USH2A: variants seen among roughly 807,000 people sequenced by gnomAD.
The protein encoded by USH2A is Usher syndrome 2A (autosomal recessive, mild).
A neutral mutation model predicts 538.9 loss-of-function variants in USH2A; 443 were observed. That is an observed-to-expected ratio of 0.82 (90% CI 0.76 to 0.89). USH2A has a LOEUF of 0.89. Among genes scored for constraint, USH2A ranks in the 40% least tolerant of loss-of-function variants. USH2A has a pLI of 0.00. For synonymous variants in USH2A, 2,413 were observed against 2,273.5 expected (o/e 1.06, Z -1.75); for missense variants, 6,633 against 6,324.8 (o/e 1.05, Z -1.65).
At chr1:216,060,844 T>A (rs2031153472) in intron 30 of USH2A, among the ~76,000 whole-genome samples, 1 of 152,214 alleles carries the variant, frequency 6.6e-6, no homozygotes. Context: ...ATGAAGTCAG[T>A]TTCTGAGCAG....
Position 216,078,253 on chromosome 1 carries a change from A to T in USH2A, c.5408T>A (p.Val1803Asp). The change falls in exon 27 of 72, where the codon GTC (valine) becomes GAC (aspartate). Residue 1803 changes from valine (V) to aspartate (D), a missense_variant. Physicochemically the swap from Val to Asp is radical, Grantham distance 152. Coordinates refer to ENST00000307340, the MANE Select transcript of USH2A (RefSeq NM_206933.4). Reference sequence around the variant, plus strand: ...GAAAGAGCCTTCCTTTTTAATAATGACTTTATTCCACTTTCCATTACAATA... The same window carrying T: ...GAAAGAGCCTTCCTTTTTAATAATGTCTTTATTCCACTTTCCATTACAATA... Reference protein sequence around the residue: ...LSYCNGKWNKVIIKKEGSFIS... With the variant: ...LSYCNGKWNKDIIKKEGSFIS... 6.2e-7 allele frequency: 1 copy of T among 1,613,810 alleles called. No homozygotes were observed. The highest frequency in any genetic ancestry group is 2.2e-5 in the East Asian group (1 of 44,862).
chr1:216,078,284 GCC>G lies in USH2A; in HGVS notation c.5375_5376del (p.Gly1792AlafsTer5), dbSNP rs1479003911. The G allele has an allele frequency of 6.2e-7, 1 of 1,613,488 alleles. No individual in the cohort carries two copies. The highest frequency in any genetic ancestry group is 1.3e-5 in the African/African-American group (1 of 74,868). On this transcript the variant is annotated frameshift_variant, in exon 27 of 72. Coordinates refer to ENST00000307340, the MANE Select transcript of USH2A (RefSeq NM_206933.4). LOFTEE classifies it high-confidence loss of function. ...TTCCACTTTCCATTACAATAGGATAGCCCCAGCAATAGATCCACTTGTGTAAA... is the reference window on the plus strand; with the variant it reads ...TTCCACTTTCCATTACAATAGGATAGCCAGCAATAGATCCACTTGTGTAAA... ...LAFTQVDLLL[G>X]LSYCNGKWNK...
chr1:216,032,343 A>C (rs1020527322), intron 32 of USH2A, among the ~76,000 whole-genome samples: 1 of 152,150 alleles, frequency 6.6e-6, no homozygotes, highest in Non-Finnish European at 1.5e-5. Context: ...TTTTATATGC[A>C]CTATCACATT....
intron 61 of USH2A, among the ~76,000 whole-genome samples, chr1:215,702,627 G>A (rs1227586224): frequency 6.6e-6 from 1 of 151,306 alleles, no homozygotes; most frequent in Non-Finnish European, 1.5e-5. Context: ...ACTTGTGTAT[G>A]CTTCACAAAG....
chr1:216,386,773 C>A (rs148954142), intron 3 of USH2A, among the ~76,000 whole-genome samples: 1 of 145,616 alleles, frequency 6.9e-6, no homozygotes, highest in Admixed American at 6.9e-5. Context: ...GATAATGGAG[C>A]GAACCCGGGA....
chr1:215,675,249 T>C lies in USH2A; in HGVS notation c.12662A>G (p.Asn4221Ser), dbSNP rs771357481. The C allele has an allele frequency of 1.4e-5, 23 of 1,614,180 alleles. 2 individuals are homozygous for C. The South Asian group carries it at 2.5e-4, about 18-fold the overall frequency. The change falls in exon 63 of 72, where the codon AAT becomes AGT. Residue 4221 changes from asparagine (N) to serine (S), a missense_variant. Transcript: ENST00000307340. ...IVFTEYNTER[N>S]TFMYNDTGLQ... ...ACCTGTGTCATTATACATAAATGTATTCCTTTCAGTGTTATATTCTGTGAA... is the reference window on the plus strand; with the variant it reads ...ACCTGTGTCATTATACATAAATGTACTCCTTTCAGTGTTATATTCTGTGAA...
At chr1:215,664,826 C>T (rs192315284) in intron 64 of USH2A, among the ~76,000 whole-genome samples, 325 of 152,224 alleles carry the variant, frequency 2.1e-3, no homozygotes, top group Middle Eastern at 0.014. Flanking sequence ...CAGAAGGTGG[C>T]CCTCACCAGA....
chr1:216,252,070 A>C (rs1208065522), intron 11 of USH2A, among the ~76,000 whole-genome samples: 1 of 152,250 alleles, frequency 6.6e-6, no homozygotes, highest in East Asian at 1.9e-4. Context: ...TTTAAAGCAA[A>C]ATAACAGCTA....
chr1:216,342,483 A>G (rs1571721058), intron 4 of USH2A, among the ~76,000 whole-genome samples: 1 of 152,056 alleles, frequency 6.6e-6, no homozygotes, highest in Admixed American at 6.6e-5. Context: ...AATCCCATTA[A>G]TGGGCATATA....
chr1:215,730,665 GC>G (rs1659969557), intron 60 of USH2A, among the ~76,000 whole-genome samples: 2 of 152,172 alleles, frequency 1.3e-5, no homozygotes, highest in South Asian at 4.1e-4. Context: ...AAAATCTTTG[GC>G]TTTGGGAATC....
chr1:216,422,535 T>C lies in USH2A; in HGVS notation c.-199A>G. ...CAATGGCGAAGACATGAGTAGCTGCTGGTATCTGGGAATCAAAAACGTAGG... is the reference window on the plus strand; with the variant it reads ...CAATGGCGAAGACATGAGTAGCTGCCGGTATCTGGGAATCAAAAACGTAGG... On this transcript the variant is annotated 5_prime_UTR_variant, in exon 2 of 72. Coordinates refer to ENST00000307340, the MANE Select transcript of USH2A (RefSeq NM_206933.4). 1 of 673,454 alleles carries C rather than the reference T, an allele frequency of 1.5e-6. No individual in the cohort carries two copies. The highest frequency in any genetic ancestry group is 2.4e-6 in the Non-Finnish European group (1 of 413,144). 41.7% of individuals were successfully genotyped at this position (673,454 alleles called of 1,614,324 possible). A position where few individuals can be genotyped will look rare whatever the true frequency, so the allele number is the denominator to read the frequency against.
At chr1:216,043,894 T>C (rs1000838005) in intron 32 of USH2A, among the ~76,000 whole-genome samples, 32 of 152,202 alleles carry the variant, frequency 2.1e-4, no homozygotes, top group African/African-American at 7.5e-4. Context: ...TCTCTTCCCC[T>C]GGCTGTATCT....
At chr1:215,937,351 A>G (rs1393205980) in intron 37 of USH2A, among the ~76,000 whole-genome samples, 1 of 152,162 alleles carries the variant, frequency 6.6e-6, no homozygotes, top group Non-Finnish European at 1.5e-5. Context: ...CACTAAAAAG[A>G]CATTTCCAAT....
At chr1:215,938,924 G>T (rs976224800) in intron 37 of USH2A, among the ~76,000 whole-genome samples, 1 of 152,140 alleles carries the variant, frequency 6.6e-6, no homozygotes, top group African/African-American at 2.4e-5. Context: ...TACTGGATGA[G>T]CATCAGAGCA....
chr1:216,422,137 C>T lies in USH2A; in HGVS notation c.200G>A (p.Cys67Tyr). The T allele has an allele frequency of 6.2e-7, 1 of 1,613,686 alleles. No individual in the cohort carries two copies. The highest frequency in any genetic ancestry group is 8.5e-7 in the Non-Finnish European group (1 of 1,179,882). Reference protein sequence around the residue: ...VCGLPDRSTFCHSSAAAESIQ... With the variant: ...VCGLPDRSTFYHSSAAAESIQ... ...ACTTTCAGCAGCAGCAGAGCTGTGA[C>T]AAAAAGTGCTTCGGTCTGGGAGTCC... The change falls in exon 2 of 72, where the codon TGT becomes TAT. Residue 67 changes from cysteine (C) to tyrosine (Y), a missense_variant. Transcript: ENST00000307340.
At chr1:215,772,546 AG>A (rs1316439389) in intron 55 of USH2A, among the ~76,000 whole-genome samples, 3 of 152,204 alleles carry the variant, frequency 2.0e-5, no homozygotes, top group African/African-American at 7.2e-5. Flanking sequence ...TACTTTGAAG[AG>A]TAAATGTGTG....
At chr1:216,087,058 C>G (rs770809994) in intron 23 of USH2A, 20 of 475,768 alleles carry the variant, frequency 4.2e-5, no homozygotes, top group Non-Finnish European at 6.7e-5. Flanking sequence ...CCATAGGCAC[C>G]CCCTAAGTAC....
chr1:215,726,247 A>T (rs1303326810), intron 61 of USH2A, among the ~76,000 whole-genome samples: 2 of 152,210 alleles, frequency 1.3e-5, no homozygotes, highest in Non-Finnish European at 2.9e-5. Context: ...CATATCCACT[A>T]AAAAGTATCT....
intron 38 of USH2A, among the ~76,000 whole-genome samples, chr1:215,915,450 G>A (rs1052810195): frequency 3.3e-5 from 5 of 152,156 alleles, no homozygotes; most frequent in African/African-American, 1.2e-4. Context: ...TTTTGAGGAG[G>A]ATTTTTTGGA....
Sources: gnomAD v4.1 joint callset for allele counts (sites outside exome capture counted in the v4.1 genomes callset) on GRCh38, gnomAD v4.1.1 for gene constraint, MANE v1.5 for transcripts, NCBI Gene and HGNC (gene_info 2026-07-23, HGNC 2026-07-21) for gene names.